The following UGT1A8 variants were observed in gnomAD, a reference collection of about 807,000 sequenced individuals.
UGT1A8 encodes the protein UDP-glucuronosyltransferase 1A8.
A neutral mutation model predicts 45.3 loss-of-function variants in UGT1A8; 39 were observed. That is an observed-to-expected ratio of 0.86 (90% CI 0.67 to 1.12). The LOEUF is 1.12. UGT1A8 is among the 50% of genes most tolerant of loss of function. The probability of loss-of-function intolerance (pLI) is 0.00; values close to 1 mark genes in which losing one functional copy is unlikely to be tolerated. For missense variants in UGT1A8, 719 were observed against 664.9 expected, an observed-to-expected ratio of 1.08 and a Z score of -0.90; for synonymous variants, 275 against 249.2, an observed-to-expected ratio of 1.10 and a Z score of -0.97.
intron 1 of UGT1A8, among the ~76,000 whole-genome samples, chr2:233,680,544 G>A (rs10197460): frequency 1.3e-5 from 2 of 151,952 alleles, no homozygotes; most frequent in South Asian, 4.2e-4. Flanking sequence ...AATCCCTCAC[G>A]AAATGCTCCT....
At chr2:233,643,994 G>A (rs748450381) in intron 1 of UGT1A8, among the ~76,000 whole-genome samples, 12 of 152,106 alleles carry the variant, frequency 7.9e-5, no homozygotes, top group South Asian at 4.1e-4. Context: ...TTTTGGAGCC[G>A]CAAGCTGTGC....
intron 1 of UGT1A8, chr2:233,713,228 G>A (rs200357281): frequency 6.8e-6 from 11 of 1,614,092 alleles, no homozygotes; most frequent in Admixed American, 3.3e-5. Context: ...CCCTGACAAC[G>A]TATGCCATTT....
intron 1 of UGT1A8, chr2:233,729,968 G>A (rs201755757): frequency 2.4e-5 from 39 of 1,613,890 alleles, no homozygotes; most frequent in Non-Finnish European, 7.6e-6. Context: ...GGCATCAACT[G>A]TGCCAACAGG....
chr2:233,682,035 T>A (rs776447036), intron 1 of UGT1A8: 27 of 1,613,988 alleles, frequency 1.7e-5, no homozygotes, highest in Non-Finnish European at 2.3e-5. Context: ...GTAGTGCCCA[T>A]GGATGGGAGC....
chr2:233,671,215 G>A (rs770461610), intron 1 of UGT1A8, among the ~76,000 whole-genome samples: 8 of 152,224 alleles, frequency 5.3e-5, no homozygotes, highest in Non-Finnish European at 8.8e-5. Context: ...AGGCAGCTCA[G>A]CAGAGTGCTC....
intron 1 of UGT1A8, among the ~76,000 whole-genome samples, chr2:233,725,182 A>G (rs1185569328): frequency 3.4e-5 from 3 of 87,630 alleles, no homozygotes; most frequent in African/African-American, 2.7e-4. Flanking sequence ...CCGTGGGGAG[A>G]GGCAGAGGCA....
At position 233,772,420 on chromosome 2, in the gene UGT1A8, C is replaced by G. The variant is rs72551360; in HGVS notation, c.1454C>G (p.Ser485Cys). Residue 485 changes from serine (S) to cysteine (C), a missense_variant, in exon 5 of 5, where the codon TCC becomes TGC. Ser to Cys is a moderately radical substitution (Grantham distance 112, BLOSUM62 -1). Coordinates refer to ENST00000373450, the MANE Select transcript of UGT1A8 (RefSeq NM_019076.5). ...GACCTCACCTGGTACCAGTACCATTCCTTGGACGTGATTGGTTTCCTCTTG... is the reference window on the plus strand; with the variant it reads ...GACCTCACCTGGTACCAGTACCATTGCTTGGACGTGATTGGTTTCCTCTTG... ...AHDLTWYQYH[S>C]LDVIGFLLAV... is the part of the protein sequence containing the mutation. The G allele has an allele frequency of 1.2e-6, 2 of 1,614,120 alleles. No homozygotes were observed. Among genetic ancestry groups the G allele is most frequent in the African/African-American group, 2.7e-5 (2 of 74,942 alleles).
chr2:233,755,031 C>A (rs758383518), intron 1 of UGT1A8: 1 of 1,312,808 alleles, frequency 7.6e-7, no homozygotes, highest in East Asian at 4.6e-5. Flanking sequence ...GAAGGGCCTG[C>A]CGCCTGCGCA....
In UGT1A8 at chr2:233,764,214, G is replaced by A. The variant is rs17864706; in HGVS notation, c.856-2820G>A. On this transcript the variant is annotated intron_variant, in intron 1 of 4. Transcript: ENST00000373450. ...GGGGCATCTCATCTTTTCTTTGAAG[G>A]GAATCAATGGTGGGGGATTGGAGTG... 2.6e-3 allele frequency among the ~76,000 whole-genome samples: 394 copies of A among 152,268 alleles called. 1 individual carries two copies. Among genetic ancestry groups the A allele is most frequent in the Non-Finnish European group, 3.9e-3 (266 of 68,024 alleles).
chr2:233,636,675 G>T (rs2073299250), intron 1 of UGT1A8: 1 of 1,614,012 alleles, frequency 6.2e-7, no homozygotes, highest in Admixed American at 1.7e-5. Context: ...TTATCCTCAG[G>T]GGGCATGAGG....
rs1319109473 is a variant in UGT1A8, at chr2:233,724,136, C to T, written c.856-42898C>T. On this transcript the variant is annotated intron_variant, in intron 1 of 4. Coordinates refer to ENST00000373450, the MANE Select transcript of UGT1A8 (RefSeq NM_019076.5). ...GCAGAGGCGCCCCTCACCTCCCGGA[C>T]GGGGCGGCTGGCCGGGTGGGGGGGC... Among the ~76,000 whole-genome samples, 110 of 111,694 alleles carry T rather than the reference C, an allele frequency of 9.8e-4. 3 individuals carry two copies. Among genetic ancestry groups the T allele is most frequent in the Middle Eastern group, 4.2e-3 (1 of 236 alleles). 73.3% of individuals were successfully genotyped at this position (111,694 alleles called of 152,430 possible).
Position 233,682,609 on chromosome 2 carries a change from C to A in UGT1A8, c.855+64047C>A, listed in dbSNP as rs367786048. ...AACATTTATTTTGCCCCTATTTTTT[C>A]AAAAATGTCTTAGAAATAGCCTCTG... On this transcript the variant is annotated intron_variant, in intron 1 of 4. Transcript: ENST00000373450. 2.0e-5 allele frequency: 33 copies of A among 1,613,744 alleles called. No homozygotes were observed. The South Asian group carries it at 3.1e-4, about 15-fold the overall frequency.
rs577222239 is a variant in UGT1A8, at chr2:233,651,769, G to A, written c.855+33207G>A. On this transcript the variant is annotated intron_variant, in intron 1 of 4. Transcript: ENST00000373450. ...TGAGAAGGAAGCATCACTTGATGGAGTGTGCATCTGTGCCTGTGTGTGTCC... is the reference window on the plus strand; with the variant it reads ...TGAGAAGGAAGCATCACTTGATGGAATGTGCATCTGTGCCTGTGTGTGTCC... 2.0e-5 allele frequency among the ~76,000 whole-genome samples: 3 copies of A among 152,326 alleles called. No individual in the cohort carries two copies. In the East Asian group the frequency reaches 5.8e-4, roughly 29 times the overall value.
intron 1 of UGT1A8, among the ~76,000 whole-genome samples, chr2:233,727,224 G>A (rs1324084133): frequency 6.6e-6 from 1 of 152,098 alleles, no homozygotes; most frequent in Admixed American, 6.5e-5. Flanking sequence ...TTCCACATAT[G>A]CGGATGGCTC....
chr2:233,651,324 G>T (rs774351783), intron 1 of UGT1A8, among the ~76,000 whole-genome samples: 2 of 152,120 alleles, frequency 1.3e-5, no homozygotes, highest in South Asian at 2.1e-4. Context: ...GATACGGAAA[G>T]CTATGTGTGA....
chr2:233,715,564 G>T (rs1223730449), intron 1 of UGT1A8, among the ~76,000 whole-genome samples: 1 of 152,032 alleles, frequency 6.6e-6, no homozygotes, highest in African/African-American at 2.4e-5. Context: ...TTGAGCCCAG[G>T]AGTCTGAGAG....
At chr2:233,725,483 GCAAAAAGAAACCA>G (rs2077451609) in intron 1 of UGT1A8, among the ~76,000 whole-genome samples, 1 of 151,876 alleles carries the variant, frequency 6.6e-6, no homozygotes, top group Admixed American at 6.6e-5. Flanking sequence ...TTAGAAACCA[GCAAAAAGAAACCA>G]CTGAAATTAA....
At chr2:233,634,469 C>A (rs538312021) in intron 1 of UGT1A8, among the ~76,000 whole-genome samples, 1 of 152,184 alleles carries the variant, frequency 6.6e-6, no homozygotes, top group South Asian at 2.1e-4. Flanking sequence ...TCTCTAAGAA[C>A]TTGCTTTATG....
intron 1 of UGT1A8, chr2:233,747,887 T>G (rs1394358402): frequency 6.2e-6 from 10 of 1,613,492 alleles, no homozygotes; most frequent in African/African-American, 1.3e-5. Context: ...ACCTTTGCCA[T>G]GCTCTTTCTG....
Sources: allele counts gnomAD v4.1 joint callset (sites outside exome capture counted in the v4.1 genomes callset), GRCh38; gene constraint gnomAD v4.1.1; transcripts MANE v1.5; gene names NCBI Gene and HGNC (gene_info 2026-07-23, HGNC 2026-07-21).